DIAPH3: variants seen among roughly 807,000 people sequenced by gnomAD.
The protein encoded by DIAPH3 is protein diaphanous homolog 3.
Under a neutral mutation model 144.3 loss-of-function variants are expected in DIAPH3, and 117 were observed. The observed-to-expected ratio is 0.81, with a 90% CI of 0.70 to 0.95. DIAPH3 has a LOEUF of 0.95. Ranked by LOEUF, DIAPH3 falls within the 40% of genes least tolerant of loss-of-function variation. The probability of loss-of-function intolerance (pLI) is 0.00; values close to 1 mark genes in which losing one functional copy is unlikely to be tolerated. For missense variants in DIAPH3, 1,421 were observed against 1,412.7 expected (o/e 1.01, Z -0.09); for synonymous variants, 519 against 488.9 (o/e 1.06, Z -0.81).
chr13:59,858,186 G>A (rs1457025289), intron 22 of DIAPH3, among the ~76,000 whole-genome samples: 1 of 152,090 alleles, frequency 6.6e-6, no homozygotes, highest in Non-Finnish European at 1.5e-5. Flanking sequence ...AGGGAGAAAA[G>A]AAGAGAAGGG....
chr13:60,056,477 C>T (rs765121134), intron 4 of DIAPH3, among the ~76,000 whole-genome samples: 5 of 151,534 alleles, frequency 3.3e-5, no homozygotes, highest in Non-Finnish European at 7.4e-5. Flanking sequence ...AAATATACAC[C>T]CATATGTACT....
chr13:60,078,572 A>G (rs1220157739), intron 4 of DIAPH3, among the ~76,000 whole-genome samples: 1 of 152,086 alleles, frequency 6.6e-6, no homozygotes, highest in Non-Finnish European at 1.5e-5. Context: ...AATGGAGATA[A>G]TTTTTAGAAG....
intron 9 of DIAPH3, among the ~76,000 whole-genome samples, chr13:59,992,820 C>T (rs1159965245): frequency 6.3e-5 from 9 of 143,286 alleles, no homozygotes; most frequent in African/African-American, 1.8e-4. Context: ...AAATATTAGC[C>T]GTTACTACTG....
At chr13:60,114,011 T>C (rs542746971) in intron 2 of DIAPH3, among the ~76,000 whole-genome samples, 2 of 152,234 alleles carry the variant, frequency 1.3e-5, no homozygotes, top group Admixed American at 6.5e-5. Context: ...CCAAAGGCCA[T>C]AGACTAGGCA....
intron 9 of DIAPH3, among the ~76,000 whole-genome samples, chr13:59,993,149 C>T (rs1380907421): frequency 6.6e-6 from 1 of 151,772 alleles, no homozygotes; most frequent in Non-Finnish European, 1.5e-5. Flanking sequence ...TTCAAAATTA[C>T]CCTATGTTTT....
chr13:60,161,011 C>T (rs1016761472), intron 1 of DIAPH3, among the ~76,000 whole-genome samples: 2 of 152,156 alleles, frequency 1.3e-5, no homozygotes, highest in Non-Finnish European at 2.9e-5. Context: ...AAGATTTCAG[C>T]GGGTACCAGA....
At chr13:59,814,868 C>G (rs2098630463) in intron 24 of DIAPH3, among the ~76,000 whole-genome samples, 1 of 152,156 alleles carries the variant, frequency 6.6e-6, no homozygotes, top group Non-Finnish European at 1.5e-5. Flanking sequence ...TGATAACCAC[C>G]ATTCTATTCT....
chr13:59,677,364 C>A (rs1025829718), intron 27 of DIAPH3, among the ~76,000 whole-genome samples: 5 of 151,200 alleles, frequency 3.3e-5, no homozygotes, highest in Non-Finnish European at 7.4e-5. Context: ...TAATGAGAAT[C>A]ACAAAAATGG....
At chr13:59,861,366 G>A (rs1766702009) in intron 22 of DIAPH3, 41 bp downstream of exon 22, 1 of 1,613,176 alleles carries the variant, frequency 6.2e-7, no homozygotes, top group Admixed American at 1.7e-5. Context: ...TTTTAGCACT[G>A]AAGATCAGAG....
intron 27 of DIAPH3, among the ~76,000 whole-genome samples, chr13:59,717,072 T>C (rs1372143292): frequency 6.6e-6 from 1 of 152,134 alleles, no homozygotes; most frequent in Non-Finnish European, 1.5e-5. Flanking sequence ...GTACATACTG[T>C]CTTAAAAACA....
At position 60,163,909 on chromosome 13, in the gene DIAPH3, G is replaced by A; in HGVS notation, c.-143C>T. 3.7e-6 allele frequency: 4 copies of A among 1,095,886 alleles called. No homozygotes were observed. Among genetic ancestry groups the A allele is most frequent in the Non-Finnish European group, 5.1e-6 (4 of 788,608 alleles). The allele number at this position is 1,095,886 out of a possible 1,614,324, so 67.9% of individuals were successfully genotyped here. ...CAGCCTAGCCCAACCGCTGAAGTCG[G>A]GGCCGCAGCCAACACATCTGAAAAC... On this transcript the variant is annotated 5_prime_UTR_variant, in exon 1 of 28. Transcript: ENST00000400324.
rs150001235 is a variant in DIAPH3 at position 59,699,331 on chromosome 13, T to G, written c.3320-32485A>C. 1.1e-3 allele frequency among the ~76,000 whole-genome samples: 167 copies of G among 152,288 alleles called. 1 individual carries two copies. Among genetic ancestry groups the G allele is most frequent in the African/African-American group, 3.9e-3 (161 of 41,558 alleles). ...AGATGTTCCAGACAGAAGCAGCAAG[T>G]ACAAAGACTGATGTGTTCTGGGAAT... On this transcript the variant is annotated intron_variant, in intron 27 of 27. Coordinates refer to ENST00000400324, the MANE Select transcript of DIAPH3 (RefSeq NM_001042517.2).
At chr13:59,949,709 G>C (rs554988318) in intron 17 of DIAPH3, among the ~76,000 whole-genome samples, 31 of 152,134 alleles carry the variant, frequency 2.0e-4, no homozygotes, top group Non-Finnish European at 3.4e-4. Flanking sequence ...ATTCAGTCTT[G>C]TATAGAAAAA....
At chr13:59,953,867 A>C (rs1278100717) in intron 17 of DIAPH3, among the ~76,000 whole-genome samples, 1 of 152,256 alleles carries the variant, frequency 6.6e-6, no homozygotes, top group Non-Finnish European at 1.5e-5. Context: ...TCTTTAAAAA[A>C]GAATATGAAT....
intron 5 of DIAPH3, among the ~76,000 whole-genome samples, chr13:60,039,194 T>C (rs2055452676): frequency 6.6e-6 from 1 of 152,118 alleles, no homozygotes; most frequent in African/African-American, 2.4e-5. Flanking sequence ...TGGCTCACAA[T>C]TGCTAGGCAG....
intron 12 of DIAPH3, among the ~76,000 whole-genome samples, chr13:59,988,370 A>T (rs758351835): frequency 1.3e-5 from 2 of 151,876 alleles, no homozygotes; most frequent in East Asian, 3.9e-4. Flanking sequence ...TCTACTCAAC[A>T]TTATTCTAAT....
chr13:59,697,565 T>C (rs913991713), intron 27 of DIAPH3, among the ~76,000 whole-genome samples: 3 of 137,556 alleles, frequency 2.2e-5, no homozygotes, highest in African/African-American at 8.2e-5. Flanking sequence ...TCACTACAAA[T>C]AAATACACTC....
At chr13:60,127,752 G>C (rs535805499) in intron 2 of DIAPH3, among the ~76,000 whole-genome samples, 1 of 152,070 alleles carries the variant, frequency 6.6e-6, no homozygotes, top group African/African-American at 2.4e-5. Context: ...ACTGTAAGCG[G>C]GTACAGAGGG....
chr13:59,999,751 C>G (rs1368001810), intron 9 of DIAPH3, among the ~76,000 whole-genome samples: 1 of 151,378 alleles, frequency 6.6e-6, no homozygotes. Flanking sequence ...CCTTCCCACT[C>G]TCCTTCACCT....
Sources: allele counts gnomAD v4.1 joint callset (sites outside exome capture counted in the v4.1 genomes callset), GRCh38; gene constraint gnomAD v4.1.1; transcripts MANE v1.5; gene names NCBI Gene and HGNC (gene_info 2026-07-23, HGNC 2026-07-21).